The following REXO2 variants were observed in gnomAD, a reference collection of about 807,000 sequenced individuals.
REXO2 encodes the protein RNA exonuclease 2.
In REXO2, 17 loss-of-function variants were observed where a neutral mutation model predicts 30.9. The ratio of observed to expected loss-of-function variants is 0.55; its 90% CI spans 0.38 to 0.82. The LOEUF (loss-of-function observed/expected upper bound fraction) is 0.82, where lower values mean the gene tolerates loss of function less well. Ranked by LOEUF, REXO2 falls within the 40% of genes least tolerant of loss-of-function variation. The pLI is 0.00. For missense variants in REXO2, 253 were observed against 293.2 expected, an observed-to-expected ratio of 0.86 and a Z score of 1.00; for synonymous variants, 105 against 99.6, an observed-to-expected ratio of 1.05 and a Z score of -0.32.
At chr11:114,444,690 T>C in intron 4 of REXO2, 38 bp downstream of exon 4, 2 of 1,338,988 alleles carry the variant, frequency 1.5e-6, no homozygotes, top group Non-Finnish European at 2.0e-6. Context: ...TAGTCTTCCA[T>C]ATGTAGTGGT....
Position 114,450,094 on chromosome 11 carries a change from CTCAA to C in REXO2, c.*120_*123del. ...TTAACTTGCATCTCCAGATTGATTA[CTCAA>C]GCAGACAGCACACGAAATACTATTT... On this transcript the variant is annotated 3_prime_UTR_variant, in exon 7 of 7. Transcript: ENST00000265881. The C allele has an allele frequency of 2.1e-6, 2 of 960,912 alleles. No individual in the cohort carries two copies. The highest frequency in any genetic ancestry group is 3.3e-5 in the South Asian group (2 of 60,032). 59.5% of individuals were successfully genotyped at this position (960,912 alleles called of 1,614,324 possible).
chr11:114,444,319 T>C (rs1459886747), intron 3 of REXO2: 1 of 631,886 alleles, frequency 1.6e-6, no homozygotes, highest in East Asian at 3.0e-5. Context: ...TTTTTGACTG[T>C]GGACATGCTA....
At position 114,440,667 on chromosome 11, in the gene REXO2, G is replaced by T. The variant is rs762618713; in HGVS notation, c.159G>T (p.Leu53Phe). The stretch of plus-strand genomic sequence containing the variant: ...ATTTTTAATTGCAGATGACAGGATT[G>T]GACATTGAGAAGGACCAGATTATTG... The part of the protein sequence containing the change: ...MVWVDLEMTG[L>F]DIEKDQIIEM... The change falls in exon 2 of 7, where the codon TTG becomes TTT. Residue 53 changes from leucine to phenylalanine, a missense_variant. Coordinates refer to ENST00000265881, the MANE Select transcript of REXO2 (RefSeq NM_015523.4). The T allele has an allele frequency of 6.2e-7, 1 of 1,612,072 alleles. No individual in the cohort carries two copies.
chr11:114,441,128 T>G (rs1946474977), intron 2 of REXO2: 2 of 160,096 alleles, frequency 1.2e-5, no homozygotes, highest in African/African-American at 4.8e-5. Flanking sequence ...ATAGAGATGT[T>G]GGGTAATTTG....
intron 1 of REXO2, 104 bp downstream of exon 1, chr11:114,439,779 G>T: frequency 2.2e-6 from 3 of 1,359,228 alleles, no homozygotes; most frequent in Non-Finnish European, 2.9e-6. Flanking sequence ...TGGGTCTCAG[G>T]TGTGGCAGGT....
intron 2 of REXO2, among the ~76,000 whole-genome samples, chr11:114,442,072 C>G (rs1946482385): frequency 6.6e-6 from 1 of 151,056 alleles, no homozygotes; most frequent in Non-Finnish European, 1.5e-5. Context: ...TGATATGTAC[C>G]CTGGAGGAAA....
chr11:114,439,829 G>A, intron 1 of REXO2, 154 bp downstream of exon 1: 1 of 882,924 alleles, frequency 1.1e-6, no homozygotes, highest in Non-Finnish European at 1.7e-6. Context: ...CAAGTCCGGA[G>A]GCAGGAGTCC....
At chr11:114,444,386 G>T in intron 3 of REXO2, 155 bp from the exon 4 acceptor site, 1 of 658,774 alleles carries the variant, frequency 1.5e-6, no homozygotes. Flanking sequence ...AAAAAATGGT[G>T]CAAAGATGGC....
chr11:114,443,859 C>A lies in REXO2; in HGVS notation c.235C>A (p.Pro79Thr). 6.2e-7 allele frequency: 1 copy of A among 1,605,810 alleles called. No homozygotes were observed. The highest frequency in any genetic ancestry group is 1.1e-5 in the South Asian group (1 of 89,074). ...TGATGGCGTTTCCCATCCACAGGGTCCTAACCTGATTATAAAACAACCAGA... is the reference window on the plus strand; with the variant it reads ...TGATGGCGTTTCCCATCCACAGGGTACTAACCTGATTATAAAACAACCAGA... Reference protein sequence around the residue: ...DSDLNILAEGPNLIIKQPDEL... With the variant: ...DSDLNILAEGTNLIIKQPDEL... The change falls in exon 3 of 7, where the codon CCT becomes ACT. Residue 79 changes from proline (P) to threonine (T), a missense_variant. By Grantham distance (38) the Pro-to-Thr change is conservative. Transcript: ENST00000265881.
chr11:114,447,921 A>G (rs1946519392), intron 6 of REXO2, 42 bp downstream of exon 6: 2 of 1,488,160 alleles, frequency 1.3e-6, no homozygotes, highest in Non-Finnish European at 1.9e-6. Flanking sequence ...TCTGACACAC[A>G]CTTAACTCCC....
chr11:114,448,614 T>G (rs945642636), intron 6 of REXO2, among the ~76,000 whole-genome samples: 2 of 152,362 alleles, frequency 1.3e-5, no homozygotes, highest in Admixed American at 1.3e-4. Flanking sequence ...GGGTATGTTT[T>G]GATTTCAGAA....
At position 114,446,796 on chromosome 11, in the gene REXO2, C is replaced by T. The variant is rs1946511999; in HGVS notation, c.530+709C>T. Among the ~76,000 whole-genome samples, 9 of 152,194 alleles carry T rather than the reference C, an allele frequency of 5.9e-5. No homozygotes were observed. The South Asian group carries it at 1.9e-3, about 32-fold the overall frequency. ...GTGGTTCTAGGGCCTCAAGAGCTTG[C>T]ACACCATGCCAGTGAAGTTCACTAT... On this transcript the variant is annotated intron_variant, in intron 5 of 6. Coordinates refer to ENST00000265881, the MANE Select transcript of REXO2 (RefSeq NM_015523.4).
intron 5 of REXO2, among the ~76,000 whole-genome samples, chr11:114,446,599 TGAA>T (rs1946511090): frequency 1.3e-5 from 2 of 152,120 alleles, no homozygotes; most frequent in South Asian, 2.1e-4. Flanking sequence ...AATTGAGATG[TGAA>T]GAAGAGTGGA....
chr11:114,447,939 T>C, intron 6 of REXO2, 60 bp downstream of exon 6: 1 of 1,307,194 alleles, frequency 7.6e-7, no homozygotes, highest in Middle Eastern at 1.9e-4. Flanking sequence ...CCCAAATTCC[T>C]GACTGCTTGA....
chr11:114,449,337 C>T (rs1382030822), intron 6 of REXO2: 1 of 152,094 alleles, frequency 6.6e-6, no homozygotes, highest in Non-Finnish European at 1.5e-5. Context: ...AAGTATTGGG[C>T]AATGTTTCTC....
chr11:114,444,002 A>G, intron 3 of REXO2, 69 bp downstream of exon 3: 1 of 1,015,932 alleles, frequency 9.8e-7, no homozygotes, highest in South Asian at 1.4e-5. Context: ...CCACACCTGA[A>G]TCCGATACCA....
chr11:114,448,301 G>C (rs551801761), intron 6 of REXO2, among the ~76,000 whole-genome samples: 30 of 152,148 alleles, frequency 2.0e-4, no homozygotes, highest in African/African-American at 6.7e-4. Flanking sequence ...TGTAGCCTTA[G>C]GTACAAGTAG....
intron 6 of REXO2, among the ~76,000 whole-genome samples, chr11:114,449,634 T>C (rs947578438): frequency 2.0e-5 from 3 of 152,170 alleles, no homozygotes; most frequent in African/African-American, 7.2e-5. Context: ...TAATCTTCTA[T>C]ATTTTACAAA....
intron 4 of REXO2, chr11:114,445,750 G>A (rs1290979074): frequency 9.3e-6 from 4 of 430,408 alleles, no homozygotes; most frequent in Non-Finnish European, 1.7e-5. Context: ...TTCTGTTCAT[G>A]AGAGGTCATT....
Sources: allele counts gnomAD v4.1 joint callset (sites outside exome capture counted in the v4.1 genomes callset), GRCh38; gene constraint gnomAD v4.1.1; transcripts MANE v1.5; gene names NCBI Gene and HGNC (gene_info 2026-07-23, HGNC 2026-07-21).